ADCY1: variants seen among roughly 807,000 people sequenced by gnomAD.
ADCY1 encodes adenylate cyclase type 1.
A neutral mutation model predicts 105.4 loss-of-function variants in ADCY1; 28 were observed. The ratio of observed to expected loss-of-function variants is 0.27; its 90% CI spans 0.20 to 0.36. ADCY1 has a LOEUF of 0.36. Among genes scored for constraint, ADCY1 ranks in the 10% least tolerant of loss-of-function variants. The pLI, the probability that ADCY1 is intolerant of heterozygous loss-of-function variation, is 1.00. For missense variants in ADCY1, 977 were observed against 1,434.2 expected (o/e 0.68, Z 5.15); for synonymous variants, 655 against 623.8 (o/e 1.05, Z -0.75).
At chr7:45,636,405 A>G (rs549940793) in intron 4 of ADCY1, among the ~76,000 whole-genome samples, 46 of 152,352 alleles carry the variant, frequency 3.0e-4, no homozygotes, top group Admixed American at 1.7e-3. Flanking sequence ...AAAAAGCTGT[A>G]CATGTTCAGT....
intron 1 of ADCY1, among the ~76,000 whole-genome samples, chr7:45,577,111 A>G (rs1792372441): frequency 6.6e-6 from 1 of 152,104 alleles, no homozygotes; most frequent in Admixed American, 6.5e-5. Context: ...TCCTGGGAGC[A>G]AGGATTCTTA....
chr7:45,683,807 C>T (rs1784611034), intron 11 of ADCY1, among the ~76,000 whole-genome samples: 2 of 152,182 alleles, frequency 1.3e-5, no homozygotes, highest in Admixed American at 1.3e-4. Context: ...AGCGGCAGGC[C>T]AAGAGGCTTT....
intron 2 of ADCY1, among the ~76,000 whole-genome samples, chr7:45,606,166 G>A (rs751411762): frequency 6.6e-6 from 1 of 151,980 alleles, no homozygotes; most frequent in Non-Finnish European, 1.5e-5. Flanking sequence ...GATCCCCTTG[G>A]TTCCCACTGA....
rs953009200 is a variant in ADCY1 at position 45,710,176 on chromosome 7, C to T, written c.2933-352C>T. Among the ~76,000 whole-genome samples the T allele has an allele frequency of 1.3e-5, 2 of 152,228 alleles. No homozygotes were observed. Among genetic ancestry groups the T allele is most frequent in the African/African-American group, 4.8e-5 (2 of 41,464 alleles). On this transcript the variant is annotated intron_variant, in intron 18 of 19. Transcript: ENST00000297323. This position sits in a 1 kb window ranked among gnomAD's most constrained non-coding sequence, Gnocchi z 4.7. ...TAATCACAGATATTGAAAGGCCACA[C>T]TTCTGAGTGGCTCCCCTGGTAGGGC...
chr7:45,701,842 T>A (rs1785002631), intron 14 of ADCY1, among the ~76,000 whole-genome samples: 1 of 152,186 alleles, frequency 6.6e-6, no homozygotes, highest in South Asian at 2.1e-4. Context: ...CTCCAGCCCA[T>A]CTGGGCAGCC....
chr7:45,719,792 G>A lies in ADCY1; in HGVS notation c.*5797G>A, dbSNP rs1206659608. The stretch of plus-strand genomic sequence containing the variant: ...ATAACTGCCACGCAGGGCATTTGGG[G>A]AACCATCCCCGAATGCCCTGATGTG... On this transcript the variant is annotated 3_prime_UTR_variant, in exon 20 of 20. Coordinates refer to ENST00000297323, the MANE Select transcript of ADCY1 (RefSeq NM_021116.4). 6.6e-6 allele frequency: 1 copy of A among 152,168 alleles called. No homozygotes were observed. The highest frequency in any genetic ancestry group is 1.5e-5 in the Non-Finnish European group (1 of 68,030). The allele number at this position is 152,168 out of a possible 1,614,324, so 9.4% of individuals were successfully genotyped here. A position where few individuals can be genotyped will look rare whatever the true frequency, so the allele number is the denominator to read the frequency against.
chr7:45,579,951 C>T (rs1407639255), intron 1 of ADCY1, among the ~76,000 whole-genome samples: 2 of 150,098 alleles, frequency 1.3e-5, no homozygotes, highest in Non-Finnish European at 3.0e-5. Flanking sequence ...CCCGTCCCCC[C>T]CTTCCCCCTT....
chr7:45,700,317 C>T (rs764458993), intron 14 of ADCY1, among the ~76,000 whole-genome samples: 17 of 152,184 alleles, frequency 1.1e-4, no homozygotes, highest in Admixed American at 4.6e-4. Flanking sequence ...TTCTTCGTCC[C>T]GTCGGTGGCA....
chr7:45,668,797 T>C (rs1376675574), intron 8 of ADCY1, among the ~76,000 whole-genome samples: 1 of 152,228 alleles, frequency 6.6e-6, no homozygotes, highest in Non-Finnish European at 1.5e-5. Flanking sequence ...AATTATTGCC[T>C]CAATTTCAGA....
chr7:45,586,241 T>C (rs1184345193), intron 1 of ADCY1, among the ~76,000 whole-genome samples: 2 of 151,974 alleles, frequency 1.3e-5, no homozygotes, highest in Non-Finnish European at 2.9e-5. Context: ...CATGCGGCCC[T>C]AACACCCCCT....
chr7:45,582,057 ACACT>A (rs796994990), intron 1 of ADCY1, among the ~76,000 whole-genome samples: 18 of 152,226 alleles, frequency 1.2e-4, no homozygotes, highest in South Asian at 6.2e-4. Flanking sequence ...ACTAGCTCAC[ACACT>A]CACACAGTAC....
At chr7:45,711,089 C>A (rs1349146213) in intron 19 of ADCY1, among the ~76,000 whole-genome samples, 3 of 152,214 alleles carry the variant, frequency 2.0e-5, no homozygotes, top group Non-Finnish European at 4.4e-5. Context: ...CACATGGTGG[C>A]TGACACCCTC....
In ADCY1 at chr7:45,708,364, C is replaced by A; in HGVS notation, c.2832C>A (p.Ile944=). The change falls in exon 18 of 20, where the codon ATC becomes ATA. Residue 944 remains isoleucine (I), a synonymous_variant. Transcript: ENST00000297323. This position sits in a 1 kb window ranked among gnomAD's most constrained non-coding sequence, Gnocchi z 4.7. ...PTSGTKAKKS[I]SSHLSTLADF... is the part of the protein sequence containing the mutation. ...TTTACACCTAGGCTAAGAAGTCCAT[C>A]TCCTCCCACCTGAGCACGCTGGCGG... 6.2e-7 allele frequency: 1 copy of A among 1,614,016 alleles called. No individual in the cohort carries two copies. Among genetic ancestry groups the A allele is most frequent in the Non-Finnish European group, 8.5e-7 (1 of 1,179,838 alleles).
intron 12 of ADCY1, 45 bp from the exon 13 acceptor site, chr7:45,685,916 TC>T (rs1457217652): frequency 6.3e-7 from 1 of 1,575,376 alleles, no homozygotes; most frequent in Non-Finnish European, 8.6e-7. Context: ...GGGCTGCAGG[TC>T]TTCACCTGCC....
chr7:45,600,864 T>G (rs970530552), intron 2 of ADCY1, among the ~76,000 whole-genome samples: 6 of 152,122 alleles, frequency 3.9e-5, no homozygotes, highest in Non-Finnish European at 7.4e-5. Flanking sequence ...AGAAGAGGAA[T>G]GCAGCCACAT....
At chr7:45,684,442 T>C (rs1784626730) in intron 11 of ADCY1, 2 of 152,322 alleles carry the variant, frequency 1.3e-5, no homozygotes, top group Admixed American at 1.3e-4. Flanking sequence ...TTTTAGTTTA[T>C]ATTTATACTT....
intron 19 of ADCY1, among the ~76,000 whole-genome samples, chr7:45,711,819 T>C (rs1785244755): frequency 1.4e-5 from 1 of 72,792 alleles, no homozygotes; most frequent in Non-Finnish European, 2.8e-5. Flanking sequence ...TTTTACAATG[T>C]ACTTTTAAAA....
chr7:45,630,692 A>C (rs911070767), intron 4 of ADCY1, among the ~76,000 whole-genome samples: 2 of 151,936 alleles, frequency 1.3e-5, no homozygotes, highest in African/African-American at 4.8e-5. Context: ...TATGTGTGTA[A>C]AATTTCCTCC....
Position 45,678,265 on chromosome 7 carries a change from T to TGAGTATTTCTATCAACG in ADCY1, c.1898+3_1898+19dup. The TGAGTATTTCTATCAACG allele has an allele frequency of 3.7e-6, 6 of 1,611,084 alleles. No individual in the cohort carries two copies. The highest frequency in any genetic ancestry group is 5.1e-6 in the Non-Finnish European group (6 of 1,177,228). On this transcript the variant is annotated splice_region_variant and intron_variant, in intron 10 of 19. Transcript: ENST00000297323. ...TGTCTACCTTCTAATATTCCCACAGTGAGTATTTCTATCAACGAGGTGAGG... is the reference window on the plus strand; with the variant it reads ...TGTCTACCTTCTAATATTCCCACAGTGAGTATTTCTATCAACGGAGTATTTCTATCAACGAGGTGAGG...
Sources: gnomAD v4.1 joint callset for allele counts (sites outside exome capture counted in the v4.1 genomes callset) on GRCh38, gnomAD v4.1.1 for gene constraint, Gnocchi (gnomAD v3.1) non-coding constraint, MANE v1.5 for transcripts, NCBI Gene and HGNC (gene_info 2026-07-23, HGNC 2026-07-21) for gene names.